ARID1B: variants seen among roughly 807,000 people sequenced by gnomAD.
The protein encoded by ARID1B is AT-rich interaction domain 1B, also known as AT-rich interactive domain-containing protein 1B.
Under a neutral mutation model 212.3 loss-of-function variants are expected in ARID1B, and 30 were observed. The observed-to-expected ratio is 0.14, with a 90% CI of 0.11 to 0.19. ARID1B has a LOEUF of 0.19. ARID1B is among the 10% of genes least tolerant of loss of function. The pLI, the probability that ARID1B is intolerant of heterozygous loss-of-function variation, is 1.00. For synonymous variants in ARID1B, 1,402 were observed against 1,301.7 expected, an observed-to-expected ratio of 1.08 and a Z score of -1.66; for missense variants, 2,891 against 3,204.0, an observed-to-expected ratio of 0.90 and a Z score of 2.36.
chr6:157,064,929 T>C (rs1783575185), intron 4 of ARID1B, among the ~76,000 whole-genome samples: 2 of 152,240 alleles, frequency 1.3e-5, no homozygotes, highest in Admixed American at 1.3e-4. Context: ...TGTTGTTTTA[T>C]TAGGAACTGA....
intron 2 of ARID1B, among the ~76,000 whole-genome samples, chr6:156,842,005 G>A (rs974716294): frequency 5.9e-5 from 9 of 152,126 alleles, no homozygotes; most frequent in Non-Finnish European, 1.3e-4. Context: ...AATTAAAGTA[G>A]CCTCATTTTG....
Position 156,779,296 on chromosome 6 carries a change from AGGCGGCGGCGGC to A in ARID1B, c.1619_1630del (p.Ala540_Ala543del). 3.6e-6 allele frequency: 4 copies of A among 1,096,038 alleles called. No individual in the cohort carries two copies. Among genetic ancestry groups the A allele is most frequent in the South Asian group, 4.4e-5 (1 of 22,866 alleles). The allele number at this position is 1,096,038 out of a possible 1,614,324, so 67.9% of individuals were successfully genotyped here. On this transcript the variant is annotated inframe_deletion, in exon 1 of 20. Transcript: ENST00000636930. ...CCGCCGCCGTCGCAGCCCCAGTCCCAGGCGGCGGCGGCGGGGGCGGCGGCGGGCGGCCAGCAG... is the reference window on the plus strand; with the variant it reads ...CCGCCGCCGTCGCAGCCCCAGTCCCAGGGGGCGGCGGCGGGCGGCCAGCAG...
In ARID1B at chr6:157,148,822, C is replaced by T. The variant is rs1229887428; in HGVS notation, c.2960C>T (p.Thr987Ile). The change falls in exon 8 of 20, where the codon ACC becomes ATC. Residue 987 changes from threonine (T) to isoleucine (I), a missense_variant. By Grantham distance (89) the Thr-to-Ile change is moderately conservative. Transcript: ENST00000636930. This position sits in a 1 kb window ranked among gnomAD's most constrained non-coding sequence, Gnocchi z 5.6. ...RPFPGNMSSM[T>I]PSSPGMSQQG... ...TTTCCTGGAAATATGAGCAGCATGACCCCCAGTTCTCCTGGCATGTCTCAG... is the reference window on the plus strand; with the variant it reads ...TTTCCTGGAAATATGAGCAGCATGATCCCCAGTTCTCCTGGCATGTCTCAG... The T allele has an allele frequency of 6.2e-7, 1 of 1,613,002 alleles. No homozygotes were observed. Among genetic ancestry groups the T allele is most frequent in the Non-Finnish European group, 8.5e-7 (1 of 1,179,900 alleles).
chr6:156,985,307 A>T (rs189428157), intron 4 of ARID1B: 1 of 152,372 alleles, frequency 6.6e-6, no homozygotes, highest in East Asian at 1.9e-4. Context: ...TATCCGCTGC[A>T]TTGATAAACA....
intron 16 of ARID1B, among the ~76,000 whole-genome samples, chr6:157,196,930 C>T (rs140453452): frequency 0.012 from 1,865 of 152,248 alleles, 25 homozygotes; most frequent in African/African-American, 0.033. Context: ...GTTAAACTTG[C>T]AAGTTAAAAT....
chr6:156,809,785 C>T lies in ARID1B; in HGVS notation c.1792-19442C>T, dbSNP rs116766451. Among the ~76,000 whole-genome samples, 1,217 of 150,682 alleles carry T rather than the reference C, an allele frequency of 8.1e-3. 16 individuals carry two copies. Among genetic ancestry groups the T allele is most frequent in the African/African-American group, 0.028 (1,146 of 41,068 alleles). On this transcript the variant is annotated intron_variant, in intron 1 of 19. Transcript: ENST00000636930. ...AAAAATGATTCAAAAGTAGCCTTCT[C>T]AAGTCTGGTGGCTGAGGGCCACCAG...
rs893634054 is a variant in ARID1B, at chr6:157,030,078, C to T, written c.2248-54584C>T. ...ACCATTTATGTAGCTCATGATTCTA[C>T]AGTTTGACGATTTGGGCTGGGCTCA... On this transcript the variant is annotated intron_variant, in intron 4 of 19. Transcript: ENST00000636930. 3.3e-5 allele frequency among the ~76,000 whole-genome samples: 5 copies of T among 152,164 alleles called. No individual in the cohort carries two copies. The East Asian group carries it at 7.7e-4, about 23-fold the overall frequency.
At position 156,779,082 on chromosome 6, in the gene ARID1B, G is replaced by T; in HGVS notation, c.1402G>T (p.Gly468Cys). ...CGGCATGATGATGGGCCCCGGGGGCGGCGGGGCCGCGAGCCTCAGCAAGGC... is the reference window on the plus strand; with the variant it reads ...CGGCATGATGATGGGCCCCGGGGGCTGCGGGGCCGCGAGCCTCAGCAAGGC... ...GGGMMMGPGG[G>C]GAASLSKAAA... Residue 468 changes from glycine (G) to cysteine (C), a missense_variant, in exon 1 of 20, where the codon GGC becomes TGC. Gly to Cys is a radical substitution (Grantham distance 159). This residue lies in a region of ARID1B where 1,643 missense variants were observed against 1,544.0 expected (regional missense o/e 1.06). Coordinates refer to ENST00000636930, the MANE Select transcript of ARID1B (RefSeq NM_001374828.1). 1 of 1,225,018 alleles carries T rather than the reference G, an allele frequency of 8.2e-7. No homozygotes were observed. Among genetic ancestry groups the T allele is most frequent in the East Asian group, 3.4e-5 (1 of 29,720 alleles). The allele number at this position is 1,225,018 out of a possible 1,614,324, so 75.9% of individuals were successfully genotyped here.
chr6:156,801,004 G>A (rs1027230674), intron 1 of ARID1B, among the ~76,000 whole-genome samples: 1 of 152,146 alleles, frequency 6.6e-6, no homozygotes, highest in African/African-American at 2.4e-5. Context: ...GTCATAAGTT[G>A]CAAAATAGAT....
intron 4 of ARID1B, among the ~76,000 whole-genome samples, chr6:156,946,337 A>G (rs1793136682): frequency 6.6e-6 from 1 of 152,016 alleles, no homozygotes; most frequent in South Asian, 2.1e-4. Context: ...GTGCCATTGC[A>G]CTCCAGTCTG....
At chr6:156,893,302 A>G (rs1383693667) in intron 2 of ARID1B, among the ~76,000 whole-genome samples, 1 of 152,190 alleles carries the variant, frequency 6.6e-6, no homozygotes, top group Admixed American at 6.5e-5. Flanking sequence ...CTGGGATTAC[A>G]GGTGTGAGCC....
At chr6:157,101,717 A>G (rs1191704335) in intron 5 of ARID1B, among the ~76,000 whole-genome samples, 1 of 152,090 alleles carries the variant, frequency 6.6e-6, no homozygotes, top group East Asian at 1.9e-4. Context: ...AAATAAATGT[A>G]TATTCTAGAC....
intron 4 of ARID1B, among the ~76,000 whole-genome samples, chr6:157,004,909 T>G (rs960391428): frequency 4.2e-4 from 47 of 112,604 alleles, no homozygotes; most frequent in African/African-American, 1.7e-3. Flanking sequence ...TTTTTTTTTT[T>G]TTTTTTTTTT....
intron 3 of ARID1B, among the ~76,000 whole-genome samples, chr6:156,928,863 G>C (rs573037017): frequency 1.3e-5 from 2 of 152,162 alleles, no homozygotes; most frequent in South Asian, 2.1e-4. Context: ...AGTGTTCCAC[G>C]TATAAACTAC....
chr6:156,920,186 C>T (rs1245710788), intron 3 of ARID1B, among the ~76,000 whole-genome samples: 1 of 152,258 alleles, frequency 6.6e-6, no homozygotes, highest in South Asian at 2.1e-4. Flanking sequence ...CCTCCCTCCC[C>T]TTCAGCTCCC....
At chr6:157,124,531 G>C (rs1788003906) in intron 6 of ARID1B, among the ~76,000 whole-genome samples, 1 of 152,206 alleles carries the variant, frequency 6.6e-6, no homozygotes, top group Non-Finnish European at 1.5e-5. Context: ...GCTGTATGAA[G>C]GCAAGTGGCC....
chr6:157,089,778 A>G (rs563476583), intron 5 of ARID1B, among the ~76,000 whole-genome samples: 1 of 152,316 alleles, frequency 6.6e-6, no homozygotes, highest in Non-Finnish European at 1.5e-5. Context: ...GTGTATTCAT[A>G]TACTATACAT....
At chr6:156,970,772 TTTTGCC>T (rs1776871699) in intron 4 of ARID1B, among the ~76,000 whole-genome samples, 3 of 152,324 alleles carry the variant, frequency 2.0e-5, no homozygotes, top group African/African-American at 7.2e-5. Flanking sequence ...GGTGACTGCC[TTTTGCC>T]CTCTGAATGA....
chr6:157,061,259 T>C (rs1295001642), intron 4 of ARID1B, among the ~76,000 whole-genome samples: 2 of 152,244 alleles, frequency 1.3e-5, no homozygotes, highest in African/African-American at 4.8e-5. Flanking sequence ...TGTTAGCTGT[T>C]TGCATAATGG....
Sources: allele counts gnomAD v4.1 joint callset (sites outside exome capture counted in the v4.1 genomes callset), GRCh38; gene constraint gnomAD v4.1.1; regional missense constraint gnomAD v4.1.1; non-coding constraint Gnocchi (gnomAD v3.1); transcripts MANE v1.5; gene names NCBI Gene and HGNC (gene_info 2026-07-23, HGNC 2026-07-21).